Variants in RALGPS2 observed in about 807,000 individuals in gnomAD.
RALGPS2 encodes the protein ras-specific guanine nucleotide-releasing factor RalGPS2.
In RALGPS2, 43 loss-of-function variants were observed where a neutral mutation model predicts 86.8. The ratio of observed to expected loss-of-function variants is 0.50; its 90% confidence interval spans 0.39 to 0.64. The LOEUF is 0.64. RALGPS2 is among the 30% of genes least tolerant of loss of function. RALGPS2 has a pLI of 0.00. For synonymous variants in RALGPS2, 243 were observed against 231.3 expected (o/e 1.05, Z -0.46); for missense variants, 536 against 694.6 (o/e 0.77, Z 2.57).
At chr1:178,896,967 G>A (rs1481117567) in intron 16 of RALGPS2, among the ~76,000 whole-genome samples, 3 of 151,688 alleles carry the variant, frequency 2.0e-5, no homozygotes, top group Non-Finnish European at 2.9e-5. Flanking sequence ...AGTCCTTTGT[G>A]TATATACCCA....
intron 8 of RALGPS2, among the ~76,000 whole-genome samples, chr1:178,861,719 A>G (rs1658025209): frequency 6.6e-6 from 1 of 152,226 alleles, no homozygotes; most frequent in African/African-American, 2.4e-5. Flanking sequence ...ACGTATACAA[A>G]CTACTGATAA....
Position 178,788,241 on chromosome 1 carries a change from G to A in RALGPS2, c.213+2634G>A, listed in dbSNP as rs112357708. ...CACTCTATACTTTTTCACTGGACTC[G>A]TCAATTGCAATTTTACATTTGTGTT... On this transcript the variant is annotated intron_variant, in intron 4 of 19. Coordinates refer to ENST00000367635, the MANE Select transcript of RALGPS2 (RefSeq NM_152663.5). Among the ~76,000 whole-genome samples the A allele has an allele frequency of 1.3e-3, 198 of 152,184 alleles. 2 individuals are homozygous for A. The highest frequency in any genetic ancestry group is 4.3e-3 in the African/African-American group (179 of 41,510).
chr1:178,751,943 A>G (rs1651703957), intron 1 of RALGPS2, among the ~76,000 whole-genome samples: 1 of 152,112 alleles, frequency 6.6e-6, no homozygotes, highest in South Asian at 2.1e-4. Context: ...TCGGTTGCTG[A>G]TAGAATAGAT....
intron 17 of RALGPS2, among the ~76,000 whole-genome samples, chr1:178,900,734 G>A (rs1011262235): frequency 2.6e-5 from 4 of 151,938 alleles, no homozygotes; most frequent in African/African-American, 7.2e-5. Flanking sequence ...ACCAACAGCA[G>A]CAATGACACA....
Position 178,766,345 on chromosome 1 carries a change from G to T in RALGPS2, c.-83-10337G>T, listed in dbSNP as rs377393279. Among the ~76,000 whole-genome samples, 7 of 151,666 alleles carry T rather than the reference G, an allele frequency of 4.6e-5. No homozygotes were observed. The East Asian group carries it at 7.8e-4, about 17-fold the overall frequency. On this transcript the variant is annotated intron_variant, in intron 1 of 19. Transcript: ENST00000367635. ...AGTGATTCTCCTACCTCAGCCTCGCGAGTAGCTGGGATTACAGGTGCCTGC... is the reference window on the plus strand; with the variant it reads ...AGTGATTCTCCTACCTCAGCCTCGCTAGTAGCTGGGATTACAGGTGCCTGC...
At chr1:178,862,468 ATAATT>A (rs1658094227) in intron 8 of RALGPS2, among the ~76,000 whole-genome samples, 1 of 152,180 alleles carries the variant, frequency 6.6e-6, no homozygotes, top group Non-Finnish European at 1.5e-5. Context: ...AAGATAATTG[ATAATT>A]TAAGAGGGAC....
intron 12 of RALGPS2, 92 bp downstream of exon 12, chr1:178,885,303 TGAA>T (rs770131574): frequency 3.2e-6 from 4 of 1,248,606 alleles, no homozygotes; most frequent in South Asian, 1.8e-5. Context: ...ATGGTATCCT[TGAA>T]TAGTTTTCTT....
intron 4 of RALGPS2, among the ~76,000 whole-genome samples, chr1:178,805,277 G>A (rs1187885387): frequency 6.7e-6 from 1 of 149,572 alleles, no homozygotes; most frequent in African/African-American, 2.5e-5. Flanking sequence ...AAGCTCTTTA[G>A]TTTAATTAGA....
In RALGPS2 at chr1:178,902,111, A is replaced by G; in HGVS notation, c.1530A>G (p.Lys510=). Residue 510 remains lysine, a synonymous_variant, in exon 18 of 20, where the codon AAA becomes AAG. Transcript: ENST00000367635. ...ATTATCTTTTTTTCTCTCAGTTCAA[A>G]TCAACATCCAATAAGAACGTATCTG... is the stretch of plus-strand genomic sequence containing the variant. ...SLKATERKHF[K]STSNKNVSVI... The G allele has an allele frequency of 1.9e-6, 3 of 1,611,138 alleles. No individual in the cohort carries two copies. The highest frequency in any genetic ancestry group is 2.5e-6 in the Non-Finnish European group (3 of 1,177,798).
At chr1:178,905,125 A>G (rs1293254981) in intron 18 of RALGPS2, among the ~76,000 whole-genome samples, 1 of 152,054 alleles carries the variant, frequency 6.6e-6, no homozygotes, top group Admixed American at 6.6e-5. Flanking sequence ...CAGCTATTAT[A>G]AAAGGCGTTG....
intron 7 of RALGPS2, among the ~76,000 whole-genome samples, chr1:178,824,226 G>A (rs1472443727): frequency 6.6e-6 from 1 of 152,158 alleles, no homozygotes; most frequent in Non-Finnish European, 1.5e-5. Flanking sequence ...GAATGGTGAT[G>A]AAGAAGTGGG....
intron 1 of RALGPS2, among the ~76,000 whole-genome samples, chr1:178,746,208 A>G (rs1651322032): frequency 6.6e-6 from 1 of 152,192 alleles, no homozygotes; most frequent in Admixed American, 6.5e-5. Context: ...AAGGTCTTGT[A>G]TATAGAATAT....
chr1:178,779,890 C>T (rs1333603724), intron 2 of RALGPS2, among the ~76,000 whole-genome samples: 3 of 152,112 alleles, frequency 2.0e-5, no homozygotes, highest in African/African-American at 7.2e-5. Flanking sequence ...CTTGCCACCA[C>T]GCCTGGCTAA....
intron 1 of RALGPS2, among the ~76,000 whole-genome samples, chr1:178,773,553 C>T (rs114386221): frequency 0.012 from 1,819 of 152,206 alleles, 54 homozygotes; most frequent in African/African-American, 0.042. Context: ...TTTATAATAT[C>T]GTATAAGCCT....
intron 1 of RALGPS2, among the ~76,000 whole-genome samples, chr1:178,739,237 A>C (rs989921126): frequency 6.6e-6 from 1 of 152,208 alleles, no homozygotes; most frequent in African/African-American, 2.4e-5. Flanking sequence ...TCTGCTTCTG[A>C]CTTGCTTATT....
rs533609040 is a variant in RALGPS2 at position 178,826,668 on chromosome 1, T to C, written c.480+4964T>C. Among the ~76,000 whole-genome samples the C allele has an allele frequency of 5.0e-4, 76 of 152,314 alleles. 1 individual carries two copies. Among genetic ancestry groups the C allele is most frequent in the African/African-American group, 1.8e-3 (73 of 41,574 alleles). ...CCTTGAAATGTCCCCCTGAAAATGGTTAATTGTATGTTACGTATATATTTT... is the reference window on the plus strand; with the variant it reads ...CCTTGAAATGTCCCCCTGAAAATGGCTAATTGTATGTTACGTATATATTTT... On this transcript the variant is annotated intron_variant, in intron 7 of 19. Coordinates refer to ENST00000367635, the MANE Select transcript of RALGPS2 (RefSeq NM_152663.5).
chr1:178,765,698 G>A (rs560849607), intron 1 of RALGPS2, among the ~76,000 whole-genome samples: 21 of 152,208 alleles, frequency 1.4e-4, no homozygotes, highest in African/African-American at 4.1e-4. Flanking sequence ...GGCTTATTTC[G>A]TCCCTTATCT....
intron 4 of RALGPS2, among the ~76,000 whole-genome samples, chr1:178,796,715 C>G (rs1231197590): frequency 1.3e-5 from 2 of 152,116 alleles, no homozygotes; most frequent in Non-Finnish European, 2.9e-5. Context: ...GCAGAACAAA[C>G]CTACAAGATA....
chr1:178,856,255 T>A (rs1264756437), intron 8 of RALGPS2, among the ~76,000 whole-genome samples: 1 of 141,806 alleles, frequency 7.1e-6, no homozygotes, highest in Non-Finnish European at 1.5e-5. Flanking sequence ...TTTGTTTTTT[T>A]TGGAGCCTGT....
Sources: allele counts gnomAD v4.1 joint callset (sites outside exome capture counted in the v4.1 genomes callset), GRCh38; gene constraint gnomAD v4.1.1; transcripts MANE v1.5; gene names NCBI Gene and HGNC (gene_info 2026-07-23, HGNC 2026-07-21).